The following LPP variants were observed in gnomAD, a reference collection of about 807,000 sequenced individuals.
LPP encodes LIM domain containing preferred translocation partner in lipoma.
A neutral mutation model predicts 60.4 loss-of-function variants in LPP; 38 were observed. That is an observed-to-expected ratio of 0.63 (90% CI 0.49 to 0.83). The LOEUF (loss-of-function observed/expected upper bound fraction) is 0.83, where lower values mean the gene tolerates loss of function less well. Ranked by LOEUF, LPP falls within the 40% of genes least tolerant of loss-of-function variation. The pLI, the probability that LPP is intolerant of heterozygous loss-of-function variation, is 0.00. For missense variants in LPP, 902 were observed against 783.6 expected (o/e 1.15, Z -1.80); for synonymous variants, 328 against 290.8 (o/e 1.13, Z -1.30).
chr3:188,357,341 A>G (rs1578301467), intron 3 of LPP, among the ~76,000 whole-genome samples: 1 of 152,196 alleles, frequency 6.6e-6, no homozygotes, highest in Non-Finnish European at 1.5e-5. Flanking sequence ...GAATCAAACT[A>G]TGGGATTAGA....
rs377038294 is a variant in LPP at position 188,358,594 on chromosome 3, G to A, written c.-10+16875G>A. Among the ~76,000 whole-genome samples, 9 of 152,194 alleles carry A rather than the reference G, an allele frequency of 5.9e-5. No homozygotes were observed. In the East Asian group the frequency reaches 1.7e-3, roughly 29 times the overall value. Reference sequence around the variant, plus strand: ...GAGTAGAATTATAGTAAAGGGAGATGCTTTCCAAGTAAACAGAATAAACAG... The same window carrying A: ...GAGTAGAATTATAGTAAAGGGAGATACTTTCCAAGTAAACAGAATAAACAG... On this transcript the variant is annotated intron_variant, in intron 3 of 11. Transcript: ENST00000617246.
intron 7 of LPP, among the ~76,000 whole-genome samples, chr3:188,674,055 A>G (rs79940331): frequency 0.016 from 2,510 of 152,126 alleles, 25 homozygotes; most frequent in South Asian, 0.025. Flanking sequence ...GTCATAACAA[A>G]CACAATACCT....
chr3:188,249,535 A>G (rs1560156376), intron 2 of LPP, among the ~76,000 whole-genome samples: 3 of 152,078 alleles, frequency 2.0e-5, no homozygotes, highest in Non-Finnish European at 2.9e-5. Context: ...ATATATATAT[A>G]TGTATGCAGT....
chr3:188,353,405 G>A (rs1182034940), intron 3 of LPP, among the ~76,000 whole-genome samples: 2 of 152,064 alleles, frequency 1.3e-5, no homozygotes, highest in Non-Finnish European at 2.9e-5. Flanking sequence ...TGTTCTCACC[G>A]AATTAGATTT....
chr3:188,169,014 C>G (rs1027197318), intron 1 of LPP, among the ~76,000 whole-genome samples: 2 of 152,198 alleles, frequency 1.3e-5, no homozygotes, highest in Admixed American at 1.3e-4. Context: ...TACAGTTTTC[C>G]TTTTTTGATT....
intron 6 of LPP, among the ~76,000 whole-genome samples, chr3:188,565,078 T>C (rs1831802830): frequency 6.6e-6 from 1 of 151,926 alleles, no homozygotes; most frequent in Admixed American, 6.6e-5. Flanking sequence ...TCTTCTCCAG[T>C]ACACATGGAG....
intron 7 of LPP, among the ~76,000 whole-genome samples, chr3:188,651,034 A>G (rs1417652599): frequency 6.6e-6 from 1 of 152,252 alleles, no homozygotes; most frequent in East Asian, 1.9e-4. Flanking sequence ...GACCCTAATC[A>G]TATTTTTAAA....
intron 7 of LPP, among the ~76,000 whole-genome samples, chr3:188,694,074 G>A (rs1487957993): frequency 1.3e-5 from 2 of 152,112 alleles, no homozygotes; most frequent in African/African-American, 2.4e-5. Context: ...TTCACAGAAG[G>A]CAGGGAATCT....
intron 2 of LPP, among the ~76,000 whole-genome samples, chr3:188,241,136 T>A (rs148837873): frequency 1.3e-5 from 2 of 152,298 alleles, no homozygotes; most frequent in Admixed American, 6.5e-5. Context: ...GCAAGAATGA[T>A]AAGTGGTCAT....
chr3:188,763,536 TTAAG>T (rs1462504851), intron 9 of LPP, among the ~76,000 whole-genome samples: 2 of 152,176 alleles, frequency 1.3e-5, no homozygotes, highest in Non-Finnish European at 2.9e-5. Flanking sequence ...ATCTTTGTGC[TTAAG>T]TAGTTATGAT....
At chr3:188,437,247 A>C (rs1364339020) in intron 4 of LPP, among the ~76,000 whole-genome samples, 1 of 152,222 alleles carries the variant, frequency 6.6e-6, no homozygotes, top group East Asian at 1.9e-4. Flanking sequence ...TGGATCTAGG[A>C]GGATACTAGA....
chr3:188,433,950 C>T (rs1791663410), intron 4 of LPP, among the ~76,000 whole-genome samples: 1 of 152,042 alleles, frequency 6.6e-6, no homozygotes, highest in Non-Finnish European at 1.5e-5. Context: ...ACTTGATAGT[C>T]CACATCGTGA....
chr3:188,725,913 A>G (rs1718210980), intron 8 of LPP, among the ~76,000 whole-genome samples: 1 of 152,172 alleles, frequency 6.6e-6, no homozygotes, highest in Non-Finnish European at 1.5e-5. Flanking sequence ...TTTCAGACAA[A>G]CAATTCAATA....
At chr3:188,822,080 A>C (rs1178835503) in intron 9 of LPP, among the ~76,000 whole-genome samples, 1 of 152,076 alleles carries the variant, frequency 6.6e-6, no homozygotes, top group East Asian at 1.9e-4. Flanking sequence ...TCAGGATGTA[A>C]TAATATACTG....
At chr3:188,371,582 T>C (rs1454134854) in intron 3 of LPP, among the ~76,000 whole-genome samples, 1 of 132,500 alleles carries the variant, frequency 7.5e-6, no homozygotes, top group African/African-American at 2.8e-5. Flanking sequence ...ATAGTTGTGA[T>C]AGGTGCCACA....
chr3:188,671,439 A>C (rs1255688282), intron 7 of LPP, among the ~76,000 whole-genome samples: 1 of 152,152 alleles, frequency 6.6e-6, no homozygotes, highest in African/African-American at 2.4e-5. Flanking sequence ...TATTTATTTA[A>C]ATTGAAACCA....
At chr3:188,417,170 A>G (rs961383710) in intron 4 of LPP, among the ~76,000 whole-genome samples, 1 of 151,950 alleles carries the variant, frequency 6.6e-6, no homozygotes, top group African/African-American at 2.4e-5. Flanking sequence ...CTCCCTTATT[A>G]TATGTTCTTT....
At chr3:188,216,790 G>A (rs934724775) in intron 1 of LPP, among the ~76,000 whole-genome samples, 2 of 152,196 alleles carry the variant, frequency 1.3e-5, no homozygotes, top group South Asian at 4.1e-4. Flanking sequence ...GCCTAAAGAA[G>A]TGAGAAAGCT....
intron 6 of LPP, among the ~76,000 whole-genome samples, chr3:188,525,277 C>A (rs1296527013): frequency 1.3e-5 from 2 of 152,140 alleles, no homozygotes; most frequent in Admixed American, 6.5e-5. Flanking sequence ...TTTATTCTTT[C>A]TTGATCTTCT....
Sources: gnomAD v4.1 joint callset for allele counts (sites outside exome capture counted in the v4.1 genomes callset) on GRCh38, gnomAD v4.1.1 for gene constraint, MANE v1.5 for transcripts, NCBI Gene and HGNC (gene_info 2026-07-23, HGNC 2026-07-21) for gene names.